CENPF: variants seen among roughly 807,000 people sequenced by gnomAD.
The protein encoded by CENPF is AH antigen.
In CENPF, 214 loss-of-function variants were observed where a neutral mutation model predicts 307.3. The ratio of observed to expected loss-of-function variants is 0.70; its 90% CI spans 0.62 to 0.78. The LOEUF is 0.78. Ranked by LOEUF, CENPF falls within the 30% of genes least tolerant of loss-of-function variation. The pLI, the probability that CENPF is intolerant of heterozygous loss-of-function variation, is 0.00. For missense variants in CENPF, 3,401 were observed against 3,483.9 expected (o/e 0.98, Z 0.60); for synonymous variants, 1,259 against 1,270.6 (o/e 0.99, Z 0.19).
At chr1:214,639,310 A>T (rs1477038154) in intron 11 of CENPF, among the ~76,000 whole-genome samples, 1 of 152,198 alleles carries the variant, frequency 6.6e-6, no homozygotes, top group Non-Finnish European at 1.5e-5. Context: ...TGACATTCAT[A>T]GACACTGCCA....
rs189715164 is a variant in CENPF at position 214,633,611 on chromosome 1, C to T, written c.1446+1009C>T. Among the ~76,000 whole-genome samples the T allele has an allele frequency of 5.6e-3, 852 of 152,304 alleles. 15 individuals are homozygous for T. Among genetic ancestry groups the T allele is most frequent in the Admixed American group, 0.031 (481 of 15,298 alleles). On this transcript the variant is annotated intron_variant, in intron 10 of 19. Transcript: ENST00000366955. ...AAAGTCTAAATGTATTTATCCCCAC[C>T]GCTTTGCAGAGTGTATCATGATGGT...
At position 214,652,845 on chromosome 1, in the gene CENPF, G is replaced by A. The variant is rs190493764; in HGVS notation, c.8178G>A (p.Gln2726=). The A allele has an allele frequency of 7.3e-5, 116 of 1,592,152 alleles. No homozygotes were observed. Among genetic ancestry groups the A allele is most frequent in the Middle Eastern group, 1.7e-4 (1 of 5,874 alleles). The change falls in exon 16 of 20, where the codon CAG becomes CAA. Residue 2726 remains glutamine (Q), a synonymous_variant. Coordinates refer to ENST00000366955, the MANE Select transcript of CENPF (RefSeq NM_016343.4). The part of the protein sequence containing the change: ...DTNKQYEVEI[Q]TYREKLTSKE... ...TGCTCTAGTATGAAGTAGAAATCCA[G>A]ACATACCGAGAGAAATTGACTTCTA...
intron 10 of CENPF, among the ~76,000 whole-genome samples, chr1:214,634,036 A>G (rs1300687617): frequency 6.6e-6 from 1 of 152,222 alleles, no homozygotes; most frequent in Non-Finnish European, 1.5e-5. Context: ...AAGTCGCAGT[A>G]GTGGGCTGGA....
chr1:214,660,786 A>G (rs1658769227), intron 19 of CENPF, among the ~76,000 whole-genome samples: 1 of 152,172 alleles, frequency 6.6e-6, no homozygotes, highest in Non-Finnish European at 1.5e-5. Flanking sequence ...TAGGCAGCTC[A>G]CTTTATTGTA....
chr1:214,607,787 C>G (rs1423745664), intron 1 of CENPF, among the ~76,000 whole-genome samples: 1 of 152,176 alleles, frequency 6.6e-6, no homozygotes, highest in Non-Finnish European at 1.5e-5. Flanking sequence ...AGGGCTGGAT[C>G]TGGAATGGAG....
rs767943545 is a variant in CENPF at position 214,619,084 on chromosome 1, G to A, written c.482-45G>A. 4.2e-6 allele frequency: 4 copies of A among 955,514 alleles called. No homozygotes were observed. The Admixed American group carries it at 6.5e-5, about 15-fold the overall frequency. The allele number at this position is 955,514 out of a possible 1,614,324, so 59.2% of individuals were successfully genotyped here. On this transcript the variant is annotated intron_variant, in intron 4 of 19. Transcript: ENST00000366955. ...TTGTTGATCTGTGAATTCCTTCATG[G>A]AATCAATGACTGAAAGAAAACTGTA...
chr1:214,613,035 CT>C, intron 1 of CENPF: 1 of 337,582 alleles, frequency 3.0e-6, no homozygotes. Context: ...CACCAAAGCT[CT>C]TGTAGGACAA....
chr1:214,635,829 A>G (rs979650806), intron 10 of CENPF, among the ~76,000 whole-genome samples: 2 of 152,150 alleles, frequency 1.3e-5, no homozygotes, highest in Non-Finnish European at 2.9e-5. Context: ...ATGGATCGAG[A>G]CCAACAAACA....
intron 10 of CENPF, among the ~76,000 whole-genome samples, chr1:214,634,811 AATT>A (rs1657911952): frequency 1.3e-5 from 2 of 152,166 alleles, no homozygotes; most frequent in Admixed American, 6.5e-5. Flanking sequence ...TTCTGTGTCT[AATT>A]ATATGTAAGC....
Position 214,641,385 on chromosome 1 carries a change from A to C in CENPF, c.3047A>C (p.Asp1016Ala). 6.2e-7 allele frequency: 1 copy of C among 1,603,752 alleles called. No individual in the cohort carries two copies. Among genetic ancestry groups the C allele is most frequent in the South Asian group, 1.1e-5 (1 of 88,176 alleles). The stretch of plus-strand genomic sequence containing the variant: ...GAGAAAAGCATTTCAGAGTTATCTG[A>C]TCAGTACAAGCAAGAAAAACTTATT... ...EREKSISELS[D>A]QYKQEKLILL... The change falls in exon 12 of 20, where the codon GAT becomes GCT. Residue 1016 changes from aspartate (D) to alanine (A), a missense_variant. Asp to Ala is a moderately radical substitution (Grantham distance 126). Transcript: ENST00000366955.
rs774831022 is a variant in CENPF, at chr1:214,639,933, C to T, written c.1595C>T (p.Ser532Phe). ...TATTTTTAAATAGCGAAGAATACCT[C>T]TCAGGAAACCATGTTAAGAGATCTT... ...FAEEMKAKNTSQETMLRDLQE... is the reference protein window; with the variant it reads ...FAEEMKAKNTFQETMLRDLQE... Residue 532 changes from serine to phenylalanine, a missense_variant, in exon 12 of 20, where the codon TCT becomes TTT. Ser to Phe is a radical substitution (Grantham distance 155). Transcript: ENST00000366955. 3 of 1,526,512 alleles carry T rather than the reference C, an allele frequency of 2.0e-6. No individual in the cohort carries two copies. The highest frequency in any genetic ancestry group is 2.6e-6 in the Non-Finnish European group (3 of 1,145,620). 94.6% of individuals were successfully genotyped at this position (1,526,512 alleles called of 1,614,324 possible). A position where few individuals can be genotyped will look rare whatever the true frequency, so the allele number is the denominator to read the frequency against.
rs768042793 is a variant in CENPF, at chr1:214,643,019, C to T, written c.4681C>T (p.Gln1561Ter). Residue 1561 changes from glutamine (Q) to a stop codon, truncating the protein, a stop_gained, in exon 12 of 20, where the codon CAG (glutamine) becomes TAG (stop). Transcript: ENST00000366955. LOFTEE classifies it high-confidence loss of function. Reference protein sequence around the residue: ...ELESLCEVYRQSLEKLEEKME... With the variant: ...ELESLCEVYR ...TGAGTCCCTCTGTGAGGTGTACCGG[C>T]AGTCCCTCGAGAAGCTAGAAGAGAA... The T allele has an allele frequency of 4.4e-6, 7 of 1,608,810 alleles. No individual in the cohort carries two copies. Among genetic ancestry groups the T allele is most frequent in the Non-Finnish European group, 5.9e-6 (7 of 1,178,534 alleles).
Position 214,657,134 on chromosome 1 carries a change from A to G in CENPF, c.8687A>G (p.Asp2896Gly), listed in dbSNP as rs527327083. The change falls in exon 18 of 20, where the codon GAT becomes GGT. Residue 2896 changes from aspartate to glycine, a missense_variant. By Grantham distance (94) the Asp-to-Gly change is moderately conservative. Coordinates refer to ENST00000366955, the MANE Select transcript of CENPF (RefSeq NM_016343.4). The stretch of plus-strand genomic sequence containing the variant: ...CTGTGTTCACAGCAATCTAAACAAG[A>G]TTCCCGAGGGTCTCCTTTGCTAGGT... ...AHLCSQQSKQ[D>G]SRGSPLLGPV... The G allele has an allele frequency of 1.2e-6, 2 of 1,614,218 alleles. No individual in the cohort carries two copies. The highest frequency in any genetic ancestry group is 1.1e-5 in the South Asian group (1 of 91,088).
Position 214,657,201 on chromosome 1 carries a change from A to C in CENPF, c.8754A>C (p.Glu2918Asp). Reference protein sequence around the residue: ...PGPSPIPSVTEKRLSSGQNKA... With the variant: ...PGPSPIPSVTDKRLSSGQNKA... ...CATCTCCAATCCCTTCTGTTACTGA[A>C]AAGAGGTTATCATCTGGCCAAAATA... The change falls in exon 18 of 20, where the codon GAA becomes GAC. Residue 2918 changes from glutamate (E) to aspartate (D), a missense_variant. By Grantham distance (45) the Glu-to-Asp change is conservative. Coordinates refer to ENST00000366955, the MANE Select transcript of CENPF (RefSeq NM_016343.4). 1 of 1,614,190 alleles carries C rather than the reference A, an allele frequency of 6.2e-7. No individual in the cohort carries two copies. The highest frequency in any genetic ancestry group is 8.5e-7 in the Non-Finnish European group (1 of 1,180,028).
intron 6 of CENPF, 99 bp from the exon 7 acceptor site, chr1:214,621,980 C>A (rs1657517396): frequency 2.1e-6 from 2 of 930,422 alleles, no homozygotes; most frequent in South Asian, 1.8e-5. Flanking sequence ...ATATTTGTTT[C>A]GTCAAAGATT....
intron 1 of CENPF, among the ~76,000 whole-genome samples, chr1:214,606,766 A>G (rs1657045216): frequency 6.6e-6 from 1 of 150,936 alleles, no homozygotes; most frequent in South Asian, 2.1e-4. Context: ...CCCCACCCCC[A>G]GGTCACTGGT....
rs1372400156 is a variant in CENPF at position 214,630,627 on chromosome 1, A to G, written c.1288A>G (p.Asn430Asp). ...RLTQELQQAKNMHNVLQAELD... is the reference protein window; with the variant it reads ...RLTQELQQAKDMHNVLQAELD... The stretch of plus-strand genomic sequence containing the variant: ...CACCCAGGAGTTACAGCAAGCCAAG[A>G]ATATGCACAACGTCCTGCAGGCTGA... Residue 430 changes from asparagine (N) to aspartate (D), a missense_variant, in exon 9 of 20, where the codon AAT becomes GAT. Transcript: ENST00000366955. 2 of 1,614,180 alleles carry G rather than the reference A, an allele frequency of 1.2e-6. No individual in the cohort carries two copies. Among genetic ancestry groups the G allele is most frequent in the Non-Finnish European group, 1.7e-6 (2 of 1,180,018 alleles).
intron 17 of CENPF, among the ~76,000 whole-genome samples, chr1:214,656,120 G>A (rs1298164429): frequency 6.6e-6 from 1 of 152,184 alleles, no homozygotes; most frequent in Non-Finnish European, 1.5e-5. Flanking sequence ...TAAAGGGAAC[G>A]GGTGAGGGTG....
In CENPF at chr1:214,640,560, T is replaced by G; in HGVS notation, c.2222T>G (p.Leu741Ter). The G allele has an allele frequency of 6.2e-7, 1 of 1,614,092 alleles. No individual in the cohort carries two copies. The highest frequency in any genetic ancestry group is 8.5e-7 in the Non-Finnish European group (1 of 1,179,976). The change falls in exon 12 of 20, where the codon TTA becomes TGA. Residue 741 changes from leucine to a stop codon, truncating the protein, a stop_gained. Coordinates refer to ENST00000366955, the MANE Select transcript of CENPF (RefSeq NM_016343.4). LOFTEE classifies it high-confidence loss of function. ...GAAGATCTAGAACACAAGCTTCAGT[T>G]ACTGTCAAATGAAATAATGGACAAA... ...QVEDLEHKLQ[L>*]LSNEIMDKDR...
Sources: gnomAD v4.1 joint callset for allele counts (sites outside exome capture counted in the v4.1 genomes callset) on GRCh38, gnomAD v4.1.1 for gene constraint, MANE v1.5 for transcripts, NCBI Gene and HGNC (gene_info 2026-07-23, HGNC 2026-07-21) for gene names.